The following ADCYAP1R1 variants were observed in gnomAD, a reference collection of about 807,000 sequenced individuals.
ADCYAP1R1 encodes the protein pituitary adenylate cyclase-activating polypeptide type I receptor.
ADCYAP1R1 carries 44 observed loss-of-function variants against 67.6 expected under a neutral mutation model. That is an observed-to-expected ratio of 0.65 (90% CI 0.51 to 0.84). The LOEUF is 0.84. Among genes scored for constraint, ADCYAP1R1 ranks in the 40% least tolerant of loss-of-function variants. The pLI is 0.00. For synonymous variants in ADCYAP1R1, 222 were observed against 219.6 expected, an observed-to-expected ratio of 1.01 and a Z score of -0.10; for missense variants, 477 against 587.9, an observed-to-expected ratio of 0.81 and a Z score of 1.95.
chr7:31,087,441 G>C (rs1348911120), intron 11 of ADCYAP1R1, among the ~76,000 whole-genome samples, 186 bp from the exon 12 acceptor site: 3 of 152,206 alleles, frequency 2.0e-5, no homozygotes, highest in African/African-American at 7.2e-5. Context: ...AGAAGGAGGG[G>C]ATTTTCAGAG....
chr7:31,076,874 G>A (rs1795249821), intron 3 of ADCYAP1R1, among the ~76,000 whole-genome samples: 1 of 152,100 alleles, frequency 6.6e-6, no homozygotes, highest in African/African-American at 2.4e-5. Flanking sequence ...GAGGGGCTAG[G>A]GTGGGCATGT....
intron 7 of ADCYAP1R1, among the ~76,000 whole-genome samples, 157 bp from the exon 8 acceptor site, chr7:31,084,580 T>C (rs1214169418): frequency 6.6e-6 from 1 of 151,470 alleles, no homozygotes; most frequent in Non-Finnish European, 1.5e-5. Flanking sequence ...TGGCCAGGGG[T>C]GGGAGGTGGT....
At chr7:31,053,587 C>A (rs1211778229) in intron 1 of ADCYAP1R1, among the ~76,000 whole-genome samples, 1 of 152,214 alleles carries the variant, frequency 6.6e-6, no homozygotes, top group Admixed American at 6.5e-5. Context: ...GGAGCCTCAC[C>A]CCTGGATGGA....
intron 3 of ADCYAP1R1, among the ~76,000 whole-genome samples, chr7:31,077,365 G>A (rs1234787435): frequency 2.0e-5 from 3 of 151,024 alleles, no homozygotes; most frequent in African/African-American, 4.9e-5. Context: ...TGTGTGATGT[G>A]TATGTGTCTG....
At chr7:31,076,519 G>A (rs1795224840) in intron 3 of ADCYAP1R1, among the ~76,000 whole-genome samples, 1 of 152,180 alleles carries the variant, frequency 6.6e-6, no homozygotes, top group African/African-American at 2.4e-5. Flanking sequence ...GTCCAATGAG[G>A]CACCAAATCT....
At chr7:31,065,952 A>T (rs1177170751) in intron 3 of ADCYAP1R1, among the ~76,000 whole-genome samples, 2 of 152,196 alleles carry the variant, frequency 1.3e-5, no homozygotes, top group Non-Finnish European at 2.9e-5. Context: ...GTTGCTTCTC[A>T]GTGAGCATTA....
chr7:31,100,278 C>G, intron 13 of ADCYAP1R1: 1 of 1,461,556 alleles, frequency 6.8e-7, no homozygotes, highest in African/African-American at 1.4e-5. Context: ...CTGCCACTGC[C>G]GCTGCTGGAG....
intron 2 of ADCYAP1R1, among the ~76,000 whole-genome samples, chr7:31,064,534 G>A (rs1465255607): frequency 2.0e-5 from 3 of 152,316 alleles, no homozygotes; most frequent in African/African-American, 7.2e-5. Flanking sequence ...AATAATGCAT[G>A]CACAGAGTGA....
At chr7:31,054,521 G>A (rs775691722) in intron 1 of ADCYAP1R1, among the ~76,000 whole-genome samples, 13 of 152,160 alleles carry the variant, frequency 8.5e-5, no homozygotes, top group East Asian at 1.9e-4. Flanking sequence ...AATTTGTGTC[G>A]AATAAATAAA....
chr7:31,070,603 G>A (rs1794930147), intron 3 of ADCYAP1R1, among the ~76,000 whole-genome samples: 1 of 152,244 alleles, frequency 6.6e-6, no homozygotes, highest in African/African-American at 2.4e-5. Flanking sequence ...CCTCTCAGCT[G>A]CTCTGAGACT....
intron 5 of ADCYAP1R1, among the ~76,000 whole-genome samples, chr7:31,081,400 C>T (rs905940549): frequency 2.0e-5 from 3 of 152,146 alleles, no homozygotes; most frequent in East Asian, 3.9e-4. Context: ...TTTTCATTTT[C>T]TCCCATTCCT....
At chr7:31,077,449 GGT>G (rs1291774553) in intron 3 of ADCYAP1R1, among the ~76,000 whole-genome samples, 8 of 147,812 alleles carry the variant, frequency 5.4e-5, no homozygotes, top group African/African-American at 1.5e-4. Context: ...GATTGTGTGT[GGT>G]GTGTGTGGTG....
rs1464127748 is a variant in ADCYAP1R1, at chr7:31,109,091, A to C, written c.*2407A>C. On this transcript the variant is annotated 3_prime_UTR_variant, in exon 16 of 16. Transcript: ENST00000304166. ...TTTGGCATTATAGAGACATCATCAC[A>C]AAACAGTAAAAACAAAATCAACCCT... 1 of 152,240 alleles carries C rather than the reference A, an allele frequency of 6.6e-6. No homozygotes were observed. Among genetic ancestry groups the C allele is most frequent in the African/African-American group, 2.4e-5 (1 of 41,444 alleles). 9.4% of individuals were successfully genotyped at this position (152,240 alleles called of 1,614,324 possible). A position where few individuals can be genotyped will look rare whatever the true frequency, so the allele number is the denominator to read the frequency against.
chr7:31,058,472 C>A (rs34778473), intron 1 of ADCYAP1R1, among the ~76,000 whole-genome samples: 3 of 151,882 alleles, frequency 2.0e-5, no homozygotes, highest in African/African-American at 7.3e-5. Flanking sequence ...ATTGGGATCC[C>A]CCTGAATTCC....
intron 2 of ADCYAP1R1, 125 bp downstream of exon 2, chr7:31,063,440 C>T: frequency 1.0e-6 from 1 of 992,226 alleles, no homozygotes; most frequent in Non-Finnish European, 1.5e-6. Flanking sequence ...GCCAACACCA[C>T]CACTGGGCCA....
chr7:31,073,306 G>A (rs1249388012), intron 3 of ADCYAP1R1, among the ~76,000 whole-genome samples: 1 of 152,168 alleles, frequency 6.6e-6, no homozygotes, highest in Non-Finnish European at 1.5e-5. Context: ...GTCTGACTCG[G>A]TATGTCTTGA....
intron 1 of ADCYAP1R1, among the ~76,000 whole-genome samples, chr7:31,058,871 G>T (rs1479727812): frequency 6.6e-6 from 1 of 152,118 alleles, no homozygotes; most frequent in Non-Finnish European, 1.5e-5. Context: ...AGCCCTACCA[G>T]GGACTTGCTG....
Position 31,103,977 on chromosome 7 carries a change from A to G in ADCYAP1R1, c.1176+611A>G, listed in dbSNP as rs1432328390. ...GCAGCTCCCTGGAGTGTCTGGGGAT[A>G]GAGCGCCTCTCCCTAAGCCAGCTGT... On this transcript the variant is annotated intron_variant, in intron 14 of 15. Coordinates refer to ENST00000304166, the MANE Select transcript of ADCYAP1R1 (RefSeq NM_001118.5). Among the ~76,000 whole-genome samples, 3 of 152,228 alleles carry G rather than the reference A, an allele frequency of 2.0e-5. No individual in the cohort carries two copies. In the East Asian group the frequency reaches 5.8e-4, roughly 29 times the overall value.
intron 2 of ADCYAP1R1, among the ~76,000 whole-genome samples, chr7:31,063,702 T>C (rs1458994194): frequency 2.0e-5 from 3 of 151,984 alleles, no homozygotes; most frequent in Non-Finnish European, 4.4e-5. Flanking sequence ...GGTCTCTCCC[T>C]GAGTGAAGGT....
Sources: allele counts gnomAD v4.1 joint callset (sites outside exome capture counted in the v4.1 genomes callset), GRCh38; gene constraint gnomAD v4.1.1; transcripts MANE v1.5; gene names NCBI Gene and HGNC (gene_info 2026-07-23, HGNC 2026-07-21).